Variants in LHFPL4 observed in about 807,000 individuals in gnomAD.
LHFPL4 encodes LHFPL tetraspan subfamily member 4, also known as LHFPL tetraspan subfamily member 4 protein.
Under a neutral mutation model 20.0 loss-of-function variants are expected in LHFPL4, and 6 were observed. The ratio of observed to expected loss-of-function variants is 0.30; its 90% CI spans 0.16 to 0.59. The LOEUF is 0.59. Ranked by LOEUF, LHFPL4 falls within the 20% of genes least tolerant of loss-of-function variation. The pLI, the probability that LHFPL4 is intolerant of heterozygous loss-of-function variation, is 0.88. For missense variants in LHFPL4, 215 were observed against 331.2 expected (o/e 0.65, Z 2.72); for synonymous variants, 129 against 143.8 (o/e 0.90, Z 0.74).
At chr3:9,551,445 A>T (rs1467458724) in intron 2 of LHFPL4, among the ~76,000 whole-genome samples, 1 of 152,156 alleles carries the variant, frequency 6.6e-6, no homozygotes, top group Non-Finnish European at 1.5e-5. Flanking sequence ...TCTGATCGAA[A>T]GGTGGGTGGA....
intron 2 of LHFPL4, among the ~76,000 whole-genome samples, chr3:9,537,387 G>T (rs1009242801): frequency 1.3e-5 from 2 of 152,134 alleles, no homozygotes; most frequent in African/African-American, 4.8e-5. Flanking sequence ...ACAAATAATG[G>T]CATCTGGCAT....
At position 9,502,194 on chromosome 3, in the gene LHFPL4, G is replaced by A. The variant is rs770268127; in HGVS notation, c.*17C>T. On this transcript the variant is annotated 3_prime_UTR_variant, in exon 4 of 4. Coordinates refer to ENST00000287585, the MANE Select transcript of LHFPL4 (RefSeq NM_198560.3). ...AAGCTGAGGTCAGGCCAATTACTGG[G>A]CTGTGATCCTGGCCTTTCAGGGTCC... The A allele has an allele frequency of 1.9e-6, 3 of 1,589,604 alleles. No homozygotes were observed. Among genetic ancestry groups the A allele is most frequent in the Admixed American group, 1.7e-5 (1 of 59,952 alleles).
chr3:9,531,973 T>C (rs1490276855), intron 2 of LHFPL4, among the ~76,000 whole-genome samples: 1 of 152,204 alleles, frequency 6.6e-6, no homozygotes, highest in Admixed American at 6.5e-5. Context: ...GTGCTATCGA[T>C]GTACTTTTAT....
intron 2 of LHFPL4, among the ~76,000 whole-genome samples, chr3:9,518,907 C>G (rs1486073955): frequency 1.6e-5 from 2 of 127,674 alleles, no homozygotes; most frequent in African/African-American, 5.6e-5. Flanking sequence ...GCGTGCACCA[C>G]CACATTGGCT....
Position 9,506,187 on chromosome 3 carries a change from C to G in LHFPL4, c.423G>C (p.Leu141=). ...AGCCATCAGGAAAGATCATGCAGCC[C>G]AGGACGAGGCACAGAGCTGAGGGGC... ...MQLLAALCLV[L]GCMIFPDGWD... is the part of the protein sequence containing the mutation. Residue 141 remains leucine (L), a synonymous_variant, in exon 3 of 4, where the codon CTG becomes CTC. Coordinates refer to ENST00000287585, the MANE Select transcript of LHFPL4 (RefSeq NM_198560.3). This position sits in a 1 kb window ranked among gnomAD's most constrained non-coding sequence, Gnocchi z 4.5. The G allele has an allele frequency of 6.2e-7, 1 of 1,614,094 alleles. No homozygotes were observed. The highest frequency in any genetic ancestry group is 8.5e-7 in the Non-Finnish European group (1 of 1,179,992).
At chr3:9,505,912 C>T in intron 3 of LHFPL4, 55 bp downstream of exon 3, 1 of 1,494,716 alleles carries the variant, frequency 6.7e-7, no homozygotes, top group Non-Finnish European at 9.3e-7. Flanking sequence ...ATTATCCTGC[C>T]TCCCAGGACC....
chr3:9,526,565 G>A (rs973728715), intron 2 of LHFPL4, among the ~76,000 whole-genome samples: 4 of 152,290 alleles, frequency 2.6e-5, no homozygotes, highest in Non-Finnish European at 4.4e-5. Context: ...TGAATGTAAT[G>A]AGTTTAATTG....
intron 2 of LHFPL4, among the ~76,000 whole-genome samples, chr3:9,533,162 T>G (rs979776083): frequency 3.3e-5 from 5 of 152,218 alleles, no homozygotes; most frequent in Non-Finnish European, 5.9e-5. Context: ...TAGCATCTGC[T>G]GGGGCTGAAC....
chr3:9,540,520 C>A (rs2046470582), intron 2 of LHFPL4, among the ~76,000 whole-genome samples: 1 of 152,076 alleles, frequency 6.6e-6, no homozygotes, highest in East Asian at 1.9e-4. Context: ...GTGTGATAGC[C>A]AGAACAACCT....
Position 9,502,224 on chromosome 3 carries a change from G to A in LHFPL4, c.731C>T (p.Ser244Leu). 3.1e-6 allele frequency: 5 copies of A among 1,613,868 alleles called. No homozygotes were observed. The highest frequency in any genetic ancestry group is 4.2e-6 in the Non-Finnish European group (5 of 1,179,782). ...WGVLPCPVAH[S>L]QGP ...GATCCTGGCCTTTCAGGGTCCCTGT[G>A]AGTGAGCCACGGGGCAGGGAAGGAC... Residue 244 changes from serine (S) to leucine (L), a missense_variant, in exon 4 of 4, where the codon TCA becomes TTA. Ser to Leu is a moderately radical substitution (Grantham distance 145). Transcript: ENST00000287585.
intron 2 of LHFPL4, among the ~76,000 whole-genome samples, chr3:9,526,751 C>T (rs1035395998): frequency 5.7e-5 from 8 of 139,836 alleles, no homozygotes; most frequent in African/African-American, 2.0e-4. Flanking sequence ...AACACACACA[C>T]ACGTGAAGAC....
At chr3:9,505,030 G>C (rs892134293) in intron 3 of LHFPL4, among the ~76,000 whole-genome samples, 4 of 151,814 alleles carry the variant, frequency 2.6e-5, no homozygotes, top group African/African-American at 7.3e-5. Context: ...GCTGTGAGCT[G>C]CTCTGTGATG....
At position 9,542,315 on chromosome 3, in the gene LHFPL4, A is replaced by G. The variant is rs148274184; in HGVS notation, c.406+9959T>C. Among the ~76,000 whole-genome samples the G allele has an allele frequency of 3.2e-4, 49 of 152,236 alleles. 1 individual carries two copies. The East Asian group carries it at 9.3e-3, about 29-fold the overall frequency. On this transcript the variant is annotated intron_variant, in intron 2 of 3. Transcript: ENST00000287585. ...AGAAAAAAAAGAAATTTGTATACAAATGTTTATAGCATTCTTCATAATAGC... is the reference window on the plus strand; with the variant it reads ...AGAAAAAAAAGAAATTTGTATACAAGTGTTTATAGCATTCTTCATAATAGC...
At position 9,552,650 on chromosome 3, in the gene LHFPL4, G is replaced by A; in HGVS notation, c.30C>T (p.Leu10=). ...AGTTCCGCATGTAGTGCTCGTGGTA[G>A]AGCTTGGAGGCCTCCTGCGAGGGCA... MLPSQEASK[L]YHEHYMRNSR... Residue 10 remains leucine, a synonymous_variant, in exon 2 of 4, where the codon CTC becomes CTT. Coordinates refer to ENST00000287585, the MANE Select transcript of LHFPL4 (RefSeq NM_198560.3). 1 of 1,605,648 alleles carries A rather than the reference G, an allele frequency of 6.2e-7. No individual in the cohort carries two copies. The highest frequency in any genetic ancestry group is 8.5e-7 in the Non-Finnish European group (1 of 1,176,288).
intron 2 of LHFPL4, among the ~76,000 whole-genome samples, chr3:9,540,728 T>C (rs2046471743): frequency 6.7e-6 from 1 of 149,916 alleles, no homozygotes; most frequent in African/African-American, 2.5e-5. Flanking sequence ...ATCTGTCTTT[T>C]CAAAAATTTA....
chr3:9,548,731 C>T (rs1314931541), intron 2 of LHFPL4, among the ~76,000 whole-genome samples: 2 of 152,226 alleles, frequency 1.3e-5, no homozygotes. Context: ...TGGCCTTTCT[C>T]CACTATCAGT....
chr3:9,547,042 G>A (rs1056359460), intron 2 of LHFPL4, among the ~76,000 whole-genome samples: 45 of 152,162 alleles, frequency 3.0e-4, no homozygotes, highest in Non-Finnish European at 6.5e-4. Context: ...AGGCTAGAGT[G>A]CAGCGGCATG....
intron 2 of LHFPL4, among the ~76,000 whole-genome samples, chr3:9,537,568 C>G (rs1470305948): frequency 6.6e-6 from 1 of 152,192 alleles, no homozygotes; most frequent in Non-Finnish European, 1.5e-5. Flanking sequence ...TAGGCTGGCT[C>G]TGCCACATCC....
chr3:9,527,493 G>A (rs1250897429), intron 2 of LHFPL4, among the ~76,000 whole-genome samples: 1 of 152,014 alleles, frequency 6.6e-6, no homozygotes, highest in Non-Finnish European at 1.5e-5. Context: ...GAGGTGGGAC[G>A]ATTGCTTGAG....
Sources: gnomAD v4.1 joint callset for allele counts (sites outside exome capture counted in the v4.1 genomes callset) on GRCh38, gnomAD v4.1.1 for gene constraint, Gnocchi (gnomAD v3.1) non-coding constraint, MANE v1.5 for transcripts, NCBI Gene and HGNC (gene_info 2026-07-23, HGNC 2026-07-21) for gene names.